The following PARD3 variants were observed in gnomAD, a reference collection of about 807,000 sequenced individuals.
PARD3 encodes partitioning defective 3 homolog.
In PARD3, 75 loss-of-function variants were observed where a neutral mutation model predicts 155.4. The ratio of observed to expected loss-of-function variants is 0.48; its 90% CI spans 0.40 to 0.58. PARD3 has a LOEUF of 0.58. PARD3 is among the 20% of genes least tolerant of loss of function. The pLI, the probability that PARD3 is intolerant of heterozygous loss-of-function variation, is 0.00. For missense variants in PARD3, 1,642 were observed against 1,721.7 expected (o/e 0.95, Z 0.82); for synonymous variants, 576 against 610.5 (o/e 0.94, Z 0.83).
chr10:34,251,975 C>A (rs1333584656), intron 22 of PARD3, among the ~76,000 whole-genome samples: 2 of 152,106 alleles, frequency 1.3e-5, no homozygotes, highest in African/African-American at 4.8e-5. Context: ...CAGACAACAC[C>A]CCCTGCCCCG....
At chr10:34,633,430 G>A (rs1466745443) in intron 2 of PARD3, among the ~76,000 whole-genome samples, 4 of 150,956 alleles carry the variant, frequency 2.6e-5, no homozygotes, top group African/African-American at 9.8e-5. Context: ...GCGTATCCGT[G>A]AAAACAGGCA....
intron 5 of PARD3, among the ~76,000 whole-genome samples, chr10:34,425,416 CT>C (rs770312509): frequency 2.0e-5 from 3 of 152,234 alleles, no homozygotes; most frequent in East Asian, 1.9e-4. Flanking sequence ...CACCAATTTG[CT>C]TTTCTTTTCT....
intron 20 of PARD3, among the ~76,000 whole-genome samples, chr10:34,300,155 G>T (rs1281065108): frequency 6.6e-6 from 1 of 152,136 alleles, no homozygotes; most frequent in Non-Finnish European, 1.5e-5. Context: ...GATGGACACT[G>T]TTGCCCTGAA....
intron 1 of PARD3, among the ~76,000 whole-genome samples, chr10:34,725,578 T>C (rs1010791330): frequency 3.3e-5 from 5 of 152,150 alleles, no homozygotes; most frequent in Non-Finnish European, 5.9e-5. Context: ...TGAGGAGTAG[T>C]GTTATTCATC....
At chr10:34,146,461 G>A (rs1008873403) in intron 22 of PARD3, among the ~76,000 whole-genome samples, 8 of 152,136 alleles carry the variant, frequency 5.3e-5, no homozygotes, top group Non-Finnish European at 8.8e-5. Flanking sequence ...AAAACATTGA[G>A]TTTGTAATCT....
At chr10:34,507,549 A>AAAAAACAAAAAC (rs2081151845) in intron 3 of PARD3, among the ~76,000 whole-genome samples, 6 of 107,818 alleles carry the variant, frequency 5.6e-5, no homozygotes, top group Admixed American at 3.7e-4. Flanking sequence ...TTAAAAAAAC[A>AAAAAACAAAAAC]AAAAAAAAAA....
chr10:34,640,617 C>T (rs1052578614), intron 2 of PARD3, among the ~76,000 whole-genome samples: 7 of 142,214 alleles, frequency 4.9e-5, no homozygotes, highest in Non-Finnish European at 9.0e-5. Flanking sequence ...GGCTGAAGCA[C>T]GAGTTTGCTT....
intron 22 of PARD3, among the ~76,000 whole-genome samples, chr10:34,252,414 G>C (rs575001440): frequency 6.6e-6 from 1 of 152,168 alleles, no homozygotes; most frequent in African/African-American, 2.4e-5. Flanking sequence ...TCCCTTCCCC[G>C]TTGCTCTCCT....
At chr10:34,609,805 T>C (rs1350459313) in intron 2 of PARD3, among the ~76,000 whole-genome samples, 1 of 152,204 alleles carries the variant, frequency 6.6e-6, no homozygotes, top group African/African-American at 2.4e-5. Context: ...CCTCCCAAAG[T>C]GCGCCCAGCC....
intron 2 of PARD3, among the ~76,000 whole-genome samples, chr10:34,534,594 CA>C (rs2083090678): frequency 6.6e-6 from 1 of 152,138 alleles, no homozygotes; most frequent in Non-Finnish European, 1.5e-5. Flanking sequence ...TCATTATGAG[CA>C]AATGTGCCTG....
chr10:34,465,899 C>T (rs2077980113), intron 4 of PARD3, among the ~76,000 whole-genome samples: 1 of 152,152 alleles, frequency 6.6e-6, no homozygotes, highest in African/African-American at 2.4e-5. Context: ...ATGCTCTCCA[C>T]AGACTAGCTG....
chr10:34,553,771 A>T (rs1412103260), intron 2 of PARD3, among the ~76,000 whole-genome samples: 1 of 152,198 alleles, frequency 6.6e-6, no homozygotes. Flanking sequence ...TCAACACATA[A>T]ATAAGCAATG....
At chr10:34,726,389 C>G (rs992098270) in intron 1 of PARD3, among the ~76,000 whole-genome samples, 7 of 152,208 alleles carry the variant, frequency 4.6e-5, no homozygotes, top group Admixed American at 4.6e-4. Flanking sequence ...AATTTGAGAC[C>G]AGCCTGGCCA....
intron 4 of PARD3, among the ~76,000 whole-genome samples, chr10:34,463,141 G>C (rs1346830017): frequency 7.7e-6 from 1 of 129,782 alleles, no homozygotes; most frequent in Non-Finnish European, 1.6e-5. Context: ...AAGGGAAAGA[G>C]AAGGGGAAGG....
At chr10:34,813,737 G>A (rs1221040593) in intron 1 of PARD3, among the ~76,000 whole-genome samples, 1 of 152,124 alleles carries the variant, frequency 6.6e-6, no homozygotes, top group Non-Finnish European at 1.5e-5. Flanking sequence ...CGCTCAATAG[G>A]GCTGACCAAG....
At chr10:34,260,971 G>A (rs879649020) in intron 22 of PARD3, among the ~76,000 whole-genome samples, 3 of 152,082 alleles carry the variant, frequency 2.0e-5, no homozygotes, top group Non-Finnish European at 2.9e-5. Flanking sequence ...TTTTAAAATC[G>A]ACATTTTTCT....
At chr10:34,383,374 T>C (rs1842041951) in intron 8 of PARD3, among the ~76,000 whole-genome samples, 1 of 128,766 alleles carries the variant, frequency 7.8e-6, no homozygotes, top group Non-Finnish European at 1.6e-5. Flanking sequence ...TAGATGTGTA[T>C]TTAAAATTTT....
chr10:34,261,843 A>C (rs113096399), intron 22 of PARD3, among the ~76,000 whole-genome samples: 1,730 of 147,626 alleles, frequency 0.012, 60 homozygotes, highest in African/African-American at 0.039. Context: ...CAAACAAACA[A>C]ACACACACAC....
chr10:34,296,123 C>T lies in PARD3; in HGVS notation c.3066-11878G>A, dbSNP rs958573422. ...ATCTCTCTCTGATTTACCTCCACTG[C>T]TTTCAATGACTAGGTTCTTCATTTA... is the stretch of plus-strand genomic sequence containing the variant. On this transcript the variant is annotated intron_variant, in intron 20 of 24. Coordinates refer to ENST00000374788, the MANE Select transcript of PARD3 (RefSeq NM_001184785.2). Among the ~76,000 whole-genome samples the T allele has an allele frequency of 7.9e-5, 12 of 152,128 alleles. 1 individual carries two copies. The highest frequency in any genetic ancestry group is 7.9e-4 in the Admixed American group (12 of 15,266).
Sources: gnomAD v4.1 joint callset for allele counts (sites outside exome capture counted in the v4.1 genomes callset) on GRCh38, gnomAD v4.1.1 for gene constraint, MANE v1.5 for transcripts, NCBI Gene and HGNC (gene_info 2026-07-23, HGNC 2026-07-21) for gene names.